SEMA5A: variants seen among roughly 807,000 people sequenced by gnomAD.
The protein encoded by SEMA5A is semaphorin 5A, also known as semaphorin-5A.
A neutral mutation model predicts 135.5 loss-of-function variants in SEMA5A; 55 were observed. The ratio of observed to expected loss-of-function variants is 0.41; its 90% CI spans 0.33 to 0.51. The LOEUF (loss-of-function observed/expected upper bound fraction) is 0.51, where lower values mean the gene tolerates loss of function less well. Among genes scored for constraint, SEMA5A ranks in the 20% least tolerant of loss-of-function variants. The pLI, the probability that SEMA5A is intolerant of heterozygous loss-of-function variation, is 0.37. For synonymous variants in SEMA5A, 580 were observed against 546.5 expected (o/e 1.06, Z -0.85); for missense variants, 1,290 against 1,419.9 (o/e 0.91, Z 1.47).
chr5:9,306,177 T>G (rs1165552342), intron 5 of SEMA5A, among the ~76,000 whole-genome samples: 1 of 152,354 alleles, frequency 6.6e-6, no homozygotes, highest in African/African-American at 2.4e-5. Context: ...TGTGAGTTGA[T>G]ACCTTTCATC....
intron 5 of SEMA5A, among the ~76,000 whole-genome samples, chr5:9,303,601 G>A (rs1384552876): frequency 1.3e-5 from 2 of 151,962 alleles, no homozygotes; most frequent in South Asian, 2.1e-4. Flanking sequence ...AGAGACTTTC[G>A]AATGTTCTCA....
At chr5:9,293,739 C>G (rs1751198451) in intron 5 of SEMA5A, among the ~76,000 whole-genome samples, 1 of 152,148 alleles carries the variant, frequency 6.6e-6, no homozygotes, top group Non-Finnish European at 1.5e-5. Flanking sequence ...TCTAATTTAG[C>G]CCTATGTCCA....
chr5:9,507,099 A>G (rs1022086241), intron 1 of SEMA5A, among the ~76,000 whole-genome samples: 8 of 152,238 alleles, frequency 5.3e-5, no homozygotes, highest in African/African-American at 1.4e-4. Context: ...AAATAATTGT[A>G]ATAAATGACA....
At chr5:9,358,177 T>C (rs1754535454) in intron 3 of SEMA5A, among the ~76,000 whole-genome samples, 1 of 152,174 alleles carries the variant, frequency 6.6e-6, no homozygotes, top group East Asian at 1.9e-4. Flanking sequence ...ATGCCAAGTC[T>C]GTTCCTTGGT....
At chr5:9,105,793 A>G (rs891968010) in intron 16 of SEMA5A, among the ~76,000 whole-genome samples, 2 of 152,240 alleles carry the variant, frequency 1.3e-5, no homozygotes, top group Non-Finnish European at 2.9e-5. Flanking sequence ...TACAGCTACT[A>G]TCTTGATAAT....
chr5:9,119,183 TCA>T, intron 14 of SEMA5A, 42 bp from the exon 15 acceptor site: 1 of 1,600,108 alleles, frequency 6.2e-7, no homozygotes, highest in East Asian at 2.3e-5. Flanking sequence ...TCCCGCAGGC[TCA>T]GAGTCCAAGC....
chr5:9,418,367 T>A (rs1218659297), intron 2 of SEMA5A, among the ~76,000 whole-genome samples: 1 of 152,188 alleles, frequency 6.6e-6, no homozygotes. Context: ...TATAATACTA[T>A]CAAACTGGGT....
At chr5:9,280,885 T>C in intron 5 of SEMA5A, 1 of 347,804 alleles carries the variant, frequency 2.9e-6, no homozygotes, top group Admixed American at 3.6e-5. Flanking sequence ...TGTGTATGTG[T>C]ATCTGTGTGT....
At chr5:9,345,115 C>A (rs187282110) in intron 3 of SEMA5A, among the ~76,000 whole-genome samples, 1 of 152,142 alleles carries the variant, frequency 6.6e-6, no homozygotes, top group Non-Finnish European at 1.5e-5. Context: ...GAAAATCATG[C>A]AAACAATTGA....
chr5:9,170,602 C>G (rs1170045530), intron 11 of SEMA5A, among the ~76,000 whole-genome samples: 4 of 151,940 alleles, frequency 2.6e-5, no homozygotes, highest in African/African-American at 9.7e-5. Context: ...GATTCATGCC[C>G]TTATAAAATA....
chr5:9,398,767 G>A (rs749730105), intron 2 of SEMA5A, among the ~76,000 whole-genome samples: 5 of 152,218 alleles, frequency 3.3e-5, no homozygotes, highest in East Asian at 1.9e-4. Context: ...ACAGGCCTAG[G>A]TTTAATCTGG....
chr5:9,046,903 A>ATCAC (rs745397905), intron 21 of SEMA5A, among the ~76,000 whole-genome samples: 1 of 152,144 alleles, frequency 6.6e-6, no homozygotes, highest in African/African-American at 2.4e-5. Context: ...CACAGTCCTG[A>ATCAC]TCACTCACTC....
intron 1 of SEMA5A, among the ~76,000 whole-genome samples, chr5:9,453,875 C>T (rs1216537984): frequency 3.3e-5 from 5 of 152,172 alleles, no homozygotes; most frequent in Non-Finnish European, 7.4e-5. Flanking sequence ...GACACAGGAT[C>T]ATCACAGGCC....
intron 1 of SEMA5A, among the ~76,000 whole-genome samples, chr5:9,519,092 T>A (rs1364872978): frequency 1.3e-5 from 2 of 152,220 alleles, no homozygotes; most frequent in African/African-American, 4.8e-5. Flanking sequence ...ATTTTGTGTG[T>A]TTGTGGTGAG....
intron 1 of SEMA5A, among the ~76,000 whole-genome samples, chr5:9,466,890 T>C (rs1759280362): frequency 6.6e-6 from 1 of 152,188 alleles, no homozygotes; most frequent in African/African-American, 2.4e-5. Flanking sequence ...GTGTCTCAGA[T>C]TTATCACAAG....
intron 5 of SEMA5A, among the ~76,000 whole-genome samples, chr5:9,240,983 T>C (rs1330569527): frequency 6.6e-6 from 1 of 152,138 alleles, no homozygotes; most frequent in Non-Finnish European, 1.5e-5. Context: ...TTTGTCATCT[T>C]TTGTCTTTTT....
chr5:9,319,543 C>T (rs915979611), intron 4 of SEMA5A, among the ~76,000 whole-genome samples: 3 of 152,094 alleles, frequency 2.0e-5, no homozygotes, highest in Non-Finnish European at 4.4e-5. Context: ...TTCTTTGCTT[C>T]AGCCTCTAAC....
chr5:9,092,838 C>T (rs866489066), intron 16 of SEMA5A, among the ~76,000 whole-genome samples: 1 of 152,092 alleles, frequency 6.6e-6, no homozygotes, highest in Non-Finnish European at 1.5e-5. Context: ...TTGCCATTAC[C>T]TTTTTAAAAA....
At chr5:9,477,076 T>C (rs1194026104) in intron 1 of SEMA5A, among the ~76,000 whole-genome samples, 3 of 152,138 alleles carry the variant, frequency 2.0e-5, no homozygotes, top group East Asian at 1.9e-4. Flanking sequence ...GTTCTCATGA[T>C]ATAATGATTT....
Sources: allele counts gnomAD v4.1 joint callset (sites outside exome capture counted in the v4.1 genomes callset), GRCh38; gene constraint gnomAD v4.1.1; transcripts MANE v1.5; gene names NCBI Gene and HGNC (gene_info 2026-07-23, HGNC 2026-07-21).